The following EPHB6 variants were observed in gnomAD, a reference collection of about 807,000 sequenced individuals.
EPHB6 encodes EPH receptor B6.
Under a neutral mutation model 107.0 loss-of-function variants are expected in EPHB6, and 51 were observed. The ratio of observed to expected loss-of-function variants is 0.48; its 90% CI spans 0.38 to 0.60. The LOEUF is 0.60. Among genes scored for constraint, EPHB6 ranks in the 20% least tolerant of loss-of-function variants. The pLI is 0.00. For synonymous variants in EPHB6, 553 were observed against 549.0 expected, an observed-to-expected ratio of 1.01 and a Z score of -0.10; for missense variants, 1,141 against 1,355.5, an observed-to-expected ratio of 0.84 and a Z score of 2.48.
chr7:142,865,451 C>T, intron 7 of EPHB6, 24 bp from the exon 8 acceptor site: 1 of 1,612,336 alleles, frequency 6.2e-7, no homozygotes, highest in South Asian at 1.1e-5. Context: ...AGTGTGACGC[C>T]CCCACTCTCC....
chr7:142,863,534 G>A lies in EPHB6; in HGVS notation c.101-97G>A, dbSNP rs543808709. On this transcript the variant is annotated intron_variant, in intron 5 of 19. Coordinates refer to ENST00000652003, the MANE Select transcript of EPHB6 (RefSeq NM_004445.6). ...CTCCTGCTGGCAAAGACATGGGCCC[G>A]GGTGGGGCATTCTTTTGTTCGCGGT... The A allele has an allele frequency of 1.3e-5, 19 of 1,451,792 alleles. No individual in the cohort carries two copies. In the East Asian group the frequency reaches 2.7e-4, roughly 21 times the overall value. The allele number at this position is 1,451,792 out of a possible 1,614,324, so 89.9% of individuals were successfully genotyped here. A position where few individuals can be genotyped will look rare whatever the true frequency, so the allele number is the denominator to read the frequency against.
At chr7:142,857,790 G>T (rs907243952) in intron 1 of EPHB6, among the ~76,000 whole-genome samples, 1 of 152,180 alleles carries the variant, frequency 6.6e-6, no homozygotes, top group Non-Finnish European at 1.5e-5. Context: ...TGACATCGTC[G>T]AAGAGAAGCA....
intron 1 of EPHB6, among the ~76,000 whole-genome samples, chr7:142,858,560 C>T (rs2116379555): frequency 1.3e-5 from 2 of 149,734 alleles, no homozygotes; most frequent in Middle Eastern, 7.2e-3. Context: ...CTCAGCCTCC[C>T]CAGCAGCTGG....
rs1794877281 is a variant in EPHB6, at chr7:142,870,701, T to TG, written c.2960+20dup. ...TCAGCCTAGAGTAAGCAGGGAGTGG[T>TG]GGGGTGGGGGCGAATGCTCCAGGCC... On this transcript the variant is annotated intron_variant, in intron 19 of 19. Transcript: ENST00000652003. The TG allele has an allele frequency of 3.1e-6, 5 of 1,614,058 alleles. No homozygotes were observed. The highest frequency in any genetic ancestry group is 1.1e-5 in the South Asian group (1 of 91,056).
Position 142,858,423 on chromosome 7 carries a change from C to CTT in EPHB6, c.-431-2600_-431-2599dup, listed in dbSNP as rs958011230. ...CAATTTAATTTACTTTTAAGTCATT[C>CTT]TTTTTTTTTTTTTTTTTTTTTTTTT... On this transcript the variant is annotated intron_variant, in intron 1 of 19. Transcript: ENST00000652003. 2.1e-3 allele frequency among the ~76,000 whole-genome samples: 123 copies of CTT among 57,612 alleles called. 8 individuals are homozygous for CTT. The highest frequency in any genetic ancestry group is 4.1e-3 in the African/African-American group (54 of 13,304). The allele number at this position is 57,612 out of a possible 152,430, so 37.8% of individuals were successfully genotyped here.
At chr7:142,865,345 G>C in intron 7 of EPHB6, 130 bp from the exon 8 acceptor site, 2 of 1,216,366 alleles carry the variant, frequency 1.6e-6, no homozygotes, top group Non-Finnish European at 2.4e-6. Flanking sequence ...GTGGGGTTCA[G>C]TCTTGGAAGA....
In EPHB6 at chr7:142,865,542, T is replaced by C; in HGVS notation, c.1017T>C (p.Ser339=). 6.2e-7 allele frequency: 1 copy of C among 1,613,506 alleles called. No individual in the cohort carries two copies. The highest frequency in any genetic ancestry group is 8.5e-7 in the Non-Finnish European group (1 of 1,179,980). The change falls in exon 8 of 20, where the codon AGT becomes AGC. Residue 339 remains serine (S), a synonymous_variant. Coordinates refer to ENST00000652003, the MANE Select transcript of EPHB6 (RefSeq NM_004445.6). The stretch of plus-strand genomic sequence containing the variant: ...CCTGCTCACCATGCCCTGCCCGCAG[T>C]CACGCTCCCAACCCAGCAGCCCCCG... ...NAPCSPCPAR[S]HAPNPAAPVC... is the part of the protein sequence containing the mutation.
intron 1 of EPHB6, among the ~76,000 whole-genome samples, chr7:142,860,689 A>C (rs913014242): frequency 3.9e-5 from 6 of 152,170 alleles, no homozygotes; most frequent in African/African-American, 1.2e-4. Context: ...TGAACTCTCT[A>C]TTTCACAAAT....
At position 142,867,348 on chromosome 7, in the gene EPHB6, C is replaced by CGT. The variant is rs150343981; in HGVS notation, c.1751-249_1751-248dup. ...GGTGTGGATGTGGGAGGGCTGTGGGCGTGTGTGTGTGTTGTGTGTCCCTGT... is the reference window on the plus strand; with the variant it reads ...GGTGTGGATGTGGGAGGGCTGTGGGCGTGTGTGTGTGTGTTGTGTGTCCCTGT... On this transcript the variant is annotated intron_variant, in intron 11 of 19. Coordinates refer to ENST00000652003, the MANE Select transcript of EPHB6 (RefSeq NM_004445.6). The surrounding 1 kb of genome is among the most constrained non-coding windows in gnomAD (Gnocchi z 5.3). 10 of 609,846 alleles carry CGT rather than the reference C, an allele frequency of 1.6e-5. No individual in the cohort carries two copies. Among genetic ancestry groups the CGT allele is most frequent in the South Asian group, 9.3e-5 (5 of 54,036 alleles). 37.8% of individuals were successfully genotyped at this position (609,846 alleles called of 1,614,324 possible).
At chr7:142,864,981 C>T (rs6947538) in intron 7 of EPHB6, among the ~76,000 whole-genome samples, 115,797 of 152,186 alleles carry the variant, frequency 0.76, 48,098 homozygotes, top group East Asian at 0.97. Context: ...CAATTGCCTT[C>T]TCCTAAGTCT....
At chr7:142,862,967 A>G (rs1471531762) in intron 4 of EPHB6, 134 bp downstream of exon 4, 1 of 543,058 alleles carries the variant, frequency 1.8e-6, no homozygotes, top group African/African-American at 1.9e-5. Context: ...GGCTCAGGAG[A>G]GGCAGTATGC....
In EPHB6 at chr7:142,867,196, A is replaced by G; in HGVS notation, c.1750+128A>G. On this transcript the variant is annotated intron_variant, in intron 11 of 19. Transcript: ENST00000652003. The surrounding 1 kb of genome is among the most constrained non-coding windows in gnomAD (Gnocchi z 5.3). Reference sequence around the variant, plus strand: ...AACCAGAAGTTCTGTGGGAAAGGAGAGTGCCTTTTGCTCAGCAGCTGACCT... The same window carrying G: ...AACCAGAAGTTCTGTGGGAAAGGAGGGTGCCTTTTGCTCAGCAGCTGACCT... 4.0e-6 allele frequency: 5 copies of G among 1,259,436 alleles called. No homozygotes were observed. Among genetic ancestry groups the G allele is most frequent in the Non-Finnish European group, 5.4e-6 (5 of 922,560 alleles). 78.0% of individuals were successfully genotyped at this position (1,259,436 alleles called of 1,614,324 possible).
At position 142,867,539 on chromosome 7, in the gene EPHB6, G is replaced by A. The variant is rs1586169929; in HGVS notation, c.1751-69G>A. On this transcript the variant is annotated intron_variant, in intron 11 of 19. Transcript: ENST00000652003. This position sits in a 1 kb window ranked among gnomAD's most constrained non-coding sequence, Gnocchi z 5.3. ...GTGTGTGCCTGTGGTGTGTGTGGGTGCCTGGGCACATGAACAAGCACCTGT... is the reference window on the plus strand; with the variant it reads ...GTGTGTGCCTGTGGTGTGTGTGGGTACCTGGGCACATGAACAAGCACCTGT... The A allele has an allele frequency of 3.8e-6, 5 of 1,332,862 alleles. No homozygotes were observed. Among genetic ancestry groups the A allele is most frequent in the East Asian group, 4.7e-5 (2 of 42,178 alleles). The allele number at this position is 1,332,862 out of a possible 1,614,324, so 82.6% of individuals were successfully genotyped here.
chr7:142,865,449 G>T (rs764934078), intron 7 of EPHB6, 26 bp from the exon 8 acceptor site: 2 of 1,611,974 alleles, frequency 1.2e-6, no homozygotes, highest in Non-Finnish European at 1.7e-6. Flanking sequence ...CGAGTGTGAC[G>T]CCCCCACTCT....
Position 142,864,527 on chromosome 7 carries a change from T to G in EPHB6, c.727T>G (p.Phe243Val). The G allele has an allele frequency of 6.2e-7, 1 of 1,613,508 alleles. No individual in the cohort carries two copies. Residue 243 changes from phenylalanine (F) to valine (V), a missense_variant, in exon 7 of 20, where the codon TTT (phenylalanine) becomes GTT (valine). Coordinates refer to ENST00000652003, the MANE Select transcript of EPHB6 (RefSeq NM_004445.6). ...CPAVLRSFAS[F>V]PETQASGAGG... ...TGCCGTGCTCCGATCCTTTGCTTCC[T>G]TTCCAGAGACGCAGGCCAGTGGGGC...
chr7:142,870,170 A>G, intron 17 of EPHB6, 44 bp from the exon 18 acceptor site: 4 of 1,612,548 alleles, frequency 2.5e-6, no homozygotes, highest in Non-Finnish European at 3.4e-6. Flanking sequence ...ACTCCCCTCT[A>G]CTAACAAAAC....
chr7:142,868,083 G>A lies in EPHB6; in HGVS notation c.1918+34G>A. On this transcript the variant is annotated intron_variant, in intron 13 of 19. Transcript: ENST00000652003. This position sits in a 1 kb window ranked among gnomAD's most constrained non-coding sequence, Gnocchi z 4.2. The stretch of plus-strand genomic sequence containing the variant: ...GAGGAGAGGAAATGGGTGGGGCTGG[G>A]GAACACATGGGTGGGGCACATGGCA... 2 of 1,612,554 alleles carry A rather than the reference G, an allele frequency of 1.2e-6. No homozygotes were observed. The highest frequency in any genetic ancestry group is 1.7e-6 in the Non-Finnish European group (2 of 1,179,334).
At chr7:142,865,394 ATACCT>A in intron 7 of EPHB6, 76 bp from the exon 8 acceptor site, 1 of 1,578,414 alleles carries the variant, frequency 6.3e-7, no homozygotes, top group Non-Finnish European at 8.7e-7. Context: ...GGCTGCGAGG[ATACCT>A]GCCTGCTGTG....
chr7:142,868,662 G>T lies in EPHB6; in HGVS notation c.2209G>T (p.Gly737Cys). ...GCACCCCAACATCCTGCGGCTGGAGGGCGTGGTCACCAAGAGCCGACCCCT... is the reference window on the plus strand; with the variant it reads ...GCACCCCAACATCCTGCGGCTGGAGTGCGTGGTCACCAAGAGCCGACCCCT... ...FQHPNILRLE[G>C]VVTKSRPLMV... is the part of the protein sequence containing the mutation. The change falls in exon 15 of 20, where the codon GGC becomes TGC. Residue 737 changes from glycine to cysteine, a missense_variant. Transcript: ENST00000652003. The surrounding 1 kb of genome is among the most constrained non-coding windows in gnomAD (Gnocchi z 4.2). 4 of 1,613,946 alleles carry T rather than the reference G, an allele frequency of 2.5e-6. No homozygotes were observed. The highest frequency in any genetic ancestry group is 2.5e-6 in the Non-Finnish European group (3 of 1,180,034).
Sources: allele counts gnomAD v4.1 joint callset (sites outside exome capture counted in the v4.1 genomes callset), GRCh38; gene constraint gnomAD v4.1.1; non-coding constraint Gnocchi (gnomAD v3.1); transcripts MANE v1.5; gene names NCBI Gene and HGNC (gene_info 2026-07-23, HGNC 2026-07-21).